The following WWOX variants were observed in gnomAD, a reference collection of about 807,000 sequenced individuals.
WWOX encodes WW domain containing oxidoreductase.
Under a neutral mutation model 46.2 loss-of-function variants are expected in WWOX, and 69 were observed. That is an observed-to-expected ratio of 1.49 (90% CI 1.23 to 1.82). WWOX has a LOEUF of 1.82. Ranked by LOEUF, WWOX falls within the 40% of genes most tolerant of loss-of-function variation. WWOX has a pLI of 0.00. For missense variants in WWOX, 919 were observed against 542.6 expected (o/e 1.69, Z -6.89); for synonymous variants, 359 against 202.6 (o/e 1.77, Z -6.56).
intron 8 of WWOX, among the ~76,000 whole-genome samples, chr16:78,882,155 T>C (rs77050451): frequency 0.017 from 2,600 of 152,236 alleles, 78 homozygotes; most frequent in African/African-American, 0.059. Flanking sequence ...TGACAATAAA[T>C]AGTTTTCTCC....
At chr16:79,091,499 C>A (rs2048959511) in intron 8 of WWOX, among the ~76,000 whole-genome samples, 1 of 152,112 alleles carries the variant, frequency 6.6e-6, no homozygotes, top group Non-Finnish European at 1.5e-5. Context: ...GATTTATGAT[C>A]TTCGGATTTG....
intron 8 of WWOX, among the ~76,000 whole-genome samples, chr16:78,934,155 G>A (rs1415640458): frequency 6.6e-6 from 1 of 151,724 alleles, no homozygotes; most frequent in Non-Finnish European, 1.5e-5. Flanking sequence ...CTAACGTGGT[G>A]AAACCCCGTC....
intron 8 of WWOX, among the ~76,000 whole-genome samples, chr16:78,513,001 G>A (rs1370568564): frequency 6.6e-6 from 1 of 152,154 alleles, no homozygotes; most frequent in African/African-American, 2.4e-5. Context: ...ACATTTAGGA[G>A]ATATTTGTGG....
intron 8 of WWOX, among the ~76,000 whole-genome samples, chr16:78,706,440 C>G (rs1022284869): frequency 6.6e-6 from 1 of 152,110 alleles, no homozygotes; most frequent in Non-Finnish European, 1.5e-5. Flanking sequence ...AGATTTCTTT[C>G]TGTAATCAAG....
At chr16:79,014,489 C>A (rs547140782) in intron 8 of WWOX, among the ~76,000 whole-genome samples, 1 of 152,264 alleles carries the variant, frequency 6.6e-6, no homozygotes, top group Admixed American at 6.5e-5. Flanking sequence ...ACATTCAGTT[C>A]AGGGAAATCC....
Position 78,432,730 on chromosome 16 carries a change from C to T in WWOX, c.1034C>T (p.Ala345Val), listed in dbSNP as rs746896545. The change falls in exon 8 of 9, where the codon GCG (alanine) becomes GTG (valine). Residue 345 changes from alanine (A) to valine (V), a missense_variant. Ala to Val is a moderately conservative substitution (Grantham distance 64, BLOSUM62 0). Transcript: ENST00000566780. Reference sequence around the variant, plus strand: ...GTGTACACACTGCTGTTTACCTTGGCGAGGCCTTTCACCAAGTCCATGGTA... The same window carrying T: ...GTGTACACACTGCTGTTTACCTTGGTGAGGCCTTTCACCAAGTCCATGGTA... The part of the protein sequence containing the change: ...WWVYTLLFTL[A>V]RPFTKSMQQG... 25 of 1,614,158 alleles carry T rather than the reference C, an allele frequency of 1.5e-5. No individual in the cohort carries two copies. The highest frequency in any genetic ancestry group is 2.2e-5 in the South Asian group (2 of 91,084).
rs746163299 is a variant in WWOX, at chr16:79,212,194, C to T, written c.*398C>T. The T allele has an allele frequency of 6.8e-7, 1 of 1,462,366 alleles. No homozygotes were observed. The highest frequency in any genetic ancestry group is 9.0e-7 in the Non-Finnish European group (1 of 1,114,730). The allele number at this position is 1,462,366 out of a possible 1,614,324, so 90.6% of individuals were successfully genotyped here. A position where few individuals can be genotyped will look rare whatever the true frequency, so the allele number is the denominator to read the frequency against. On this transcript the variant is annotated 3_prime_UTR_variant, in exon 9 of 9. Coordinates refer to ENST00000566780, the MANE Select transcript of WWOX (RefSeq NM_016373.4). ...ACCACTGCAGCCGGGGGCTGGCCTT[C>T]TCCTACTTAGGGAAGAAAAAGCAAG... is the stretch of plus-strand genomic sequence containing the variant.
intron 1 of WWOX, among the ~76,000 whole-genome samples, chr16:78,107,156 C>A (rs1053200653): frequency 6.6e-6 from 1 of 152,194 alleles, no homozygotes; most frequent in African/African-American, 2.4e-5. Context: ...ATATAACTTT[C>A]TGGGTTGGCA....
At chr16:78,125,320 A>G (rs1413235926) in intron 4 of WWOX, among the ~76,000 whole-genome samples, 1 of 152,130 alleles carries the variant, frequency 6.6e-6, no homozygotes, top group Non-Finnish European at 1.5e-5. Context: ...TCAAAGGGTA[A>G]TTGAGTCTGT....
intron 5 of WWOX, among the ~76,000 whole-genome samples, chr16:78,195,446 C>T (rs1029056806): frequency 5.3e-5 from 8 of 151,964 alleles, no homozygotes; most frequent in African/African-American, 1.2e-4. Context: ...TCTTAAGTAC[C>T]GTTGGTCCTG....
At chr16:78,650,149 T>C (rs990042776) in intron 8 of WWOX, among the ~76,000 whole-genome samples, 1 of 152,116 alleles carries the variant, frequency 6.6e-6, no homozygotes, top group Non-Finnish European at 1.5e-5. Flanking sequence ...TGAACGCAGA[T>C]TAAGGAAAAT....
chr16:78,198,429 C>G (rs1423574033), intron 5 of WWOX, among the ~76,000 whole-genome samples: 1 of 152,188 alleles, frequency 6.6e-6, no homozygotes, highest in Non-Finnish European at 1.5e-5. Flanking sequence ...GCAATGGCCT[C>G]TCACCCTTCC....
At chr16:78,805,457 A>T (rs1567572653) in intron 8 of WWOX, among the ~76,000 whole-genome samples, 1 of 150,202 alleles carries the variant, frequency 6.7e-6, no homozygotes, top group African/African-American at 2.5e-5. Context: ...TGTATTTTTC[A>T]TATTTTTCGT....
chr16:78,849,373 T>C (rs2151178482), intron 8 of WWOX, among the ~76,000 whole-genome samples: 1 of 151,254 alleles, frequency 6.6e-6, no homozygotes, highest in East Asian at 2.0e-4. Context: ...AGATCGAGAC[T>C]ATCCTGGCTA....
chr16:78,859,753 T>C (rs936336190), intron 8 of WWOX, among the ~76,000 whole-genome samples: 1 of 152,188 alleles, frequency 6.6e-6, no homozygotes, highest in Non-Finnish European at 1.5e-5. Context: ...CTAATAGCTA[T>C]TGATGGTTAT....
chr16:78,955,717 C>A (rs1310108463), intron 8 of WWOX, among the ~76,000 whole-genome samples: 1 of 151,326 alleles, frequency 6.6e-6, no homozygotes, highest in East Asian at 1.9e-4. Context: ...TGCAGTGGCC[C>A]AATCATGGCA....
At chr16:78,885,080 G>C (rs1259385646) in intron 8 of WWOX, among the ~76,000 whole-genome samples, 1 of 152,158 alleles carries the variant, frequency 6.6e-6, no homozygotes, top group Non-Finnish European at 1.5e-5. Flanking sequence ...AGTGGTGAGA[G>C]TGTCACTGGC....
intron 8 of WWOX, among the ~76,000 whole-genome samples, chr16:78,571,664 C>T (rs1157451522): frequency 6.6e-6 from 1 of 152,072 alleles, no homozygotes; most frequent in Non-Finnish European, 1.5e-5. Flanking sequence ...AGGTCAGAAG[C>T]TCCAGACCAG....
intron 8 of WWOX, among the ~76,000 whole-genome samples, chr16:78,694,838 G>A (rs1024765482): frequency 2.7e-5 from 4 of 146,934 alleles, no homozygotes. Flanking sequence ...TTTTTTTTCC[G>A]CTGCATTCTG....
Sources: gnomAD v4.1 joint callset for allele counts (sites outside exome capture counted in the v4.1 genomes callset) on GRCh38, gnomAD v4.1.1 for gene constraint, MANE v1.5 for transcripts, NCBI Gene and HGNC (gene_info 2026-07-23, HGNC 2026-07-21) for gene names.